PARD3: variants seen among roughly 807,000 people sequenced by gnomAD.
The protein encoded by PARD3 is partitioning defective 3 homolog.
Under a neutral mutation model 155.4 loss-of-function variants are expected in PARD3, and 75 were observed. The ratio of observed to expected loss-of-function variants is 0.48; its 90% confidence interval spans 0.40 to 0.58. The LOEUF is 0.58. Among genes scored for constraint, PARD3 ranks in the 20% least tolerant of loss-of-function variants. PARD3 has a pLI of 0.00. For missense variants in PARD3, 1,642 were observed against 1,721.7 expected, an observed-to-expected ratio of 0.95 and a Z score of 0.82; for synonymous variants, 576 against 610.5, an observed-to-expected ratio of 0.94 and a Z score of 0.83.
At chr10:34,808,712 T>C (rs1303306770) in intron 1 of PARD3, among the ~76,000 whole-genome samples, 1 of 152,196 alleles carries the variant, frequency 6.6e-6, no homozygotes, top group Non-Finnish European at 1.5e-5. Flanking sequence ...CCCAACTCTG[T>C]GGGGAGGTAG....
intron 22 of PARD3, among the ~76,000 whole-genome samples, chr10:34,183,017 G>GT (rs1346173634): frequency 6.6e-6 from 1 of 152,144 alleles, no homozygotes; most frequent in Non-Finnish European, 1.5e-5. Flanking sequence ...AAGAAAGAAA[G>GT]TATCACTGAG....
intron 19 of PARD3, among the ~76,000 whole-genome samples, chr10:34,322,630 A>C (rs1346146265): frequency 2.6e-5 from 4 of 152,188 alleles, no homozygotes; most frequent in Admixed American, 2.6e-4. Flanking sequence ...GATTAAAATG[A>C]ATTGTTCAAT....
intron 1 of PARD3, among the ~76,000 whole-genome samples, chr10:34,800,022 C>T (rs1842702242): frequency 6.6e-6 from 1 of 151,648 alleles, no homozygotes; most frequent in African/African-American, 2.4e-5. Flanking sequence ...CCCAGCTACT[C>T]GGGAGGCTGA....
At chr10:34,354,116 G>C (rs1838508087) in intron 14 of PARD3, among the ~76,000 whole-genome samples, 1 of 143,488 alleles carries the variant, frequency 7.0e-6, no homozygotes. Context: ...ATACTAACAA[G>C]ACCTGTCTTT....
At chr10:34,143,200 G>A (rs544091446) in intron 22 of PARD3, among the ~76,000 whole-genome samples, 4 of 152,024 alleles carry the variant, frequency 2.6e-5, no homozygotes, top group Non-Finnish European at 5.9e-5. Context: ...CATGCCTGTA[G>A]TTCCAGCTAC....
At chr10:34,413,573 C>T (rs1845346614) in intron 5 of PARD3, among the ~76,000 whole-genome samples, 1 of 151,488 alleles carries the variant, frequency 6.6e-6, no homozygotes, top group Admixed American at 6.6e-5. Context: ...TATCCAGATT[C>T]TTCTTTATCT....
intron 23 of PARD3, among the ~76,000 whole-genome samples, chr10:34,123,069 G>A (rs891416199): frequency 1.3e-5 from 2 of 152,174 alleles, no homozygotes; most frequent in African/African-American, 2.4e-5. Flanking sequence ...AGAACAAGGC[G>A]AAGCTCTGTT....
intron 2 of PARD3, among the ~76,000 whole-genome samples, chr10:34,689,049 G>A (rs1228868053): frequency 6.6e-6 from 1 of 152,096 alleles, no homozygotes; most frequent in Non-Finnish European, 1.5e-5. Context: ...TATTTCCCAG[G>A]CCAGGTATCT....
At chr10:34,611,501 G>A (rs537180289) in intron 2 of PARD3, among the ~76,000 whole-genome samples, 5 of 152,162 alleles carry the variant, frequency 3.3e-5, no homozygotes, top group East Asian at 1.9e-4. Context: ...GAGTAATTTC[G>A]GGATTTTCTG....
intron 22 of PARD3, among the ~76,000 whole-genome samples, chr10:34,183,835 T>A (rs1950369972): frequency 6.6e-6 from 1 of 152,180 alleles, no homozygotes; most frequent in Admixed American, 6.5e-5. Context: ...TTGCCCTCCT[T>A]AAAACCACTC....
chr10:34,321,241 T>C (rs983152486), intron 19 of PARD3, among the ~76,000 whole-genome samples: 5 of 152,172 alleles, frequency 3.3e-5, no homozygotes, highest in African/African-American at 1.2e-4. Flanking sequence ...ATATAAACAA[T>C]TTTTCAAGTA....
chr10:34,792,112 G>A (rs1465519554), intron 1 of PARD3, among the ~76,000 whole-genome samples: 6 of 152,062 alleles, frequency 3.9e-5, no homozygotes, highest in Non-Finnish European at 5.9e-5. Context: ...CTCAGGATGC[G>A]CGCCCACGTG....
intron 1 of PARD3, among the ~76,000 whole-genome samples, chr10:34,801,625 A>G (rs1842851016): frequency 1.3e-5 from 2 of 152,196 alleles, no homozygotes; most frequent in African/African-American, 4.8e-5. Context: ...GGTGATTTGC[A>G]CTGGGTGCCT....
chr10:34,456,277 A>C (rs2077336602), intron 4 of PARD3, among the ~76,000 whole-genome samples: 1 of 152,158 alleles, frequency 6.6e-6, no homozygotes, highest in Non-Finnish European at 1.5e-5. Context: ...TACTTAAGTA[A>C]TATTTCATTT....
intron 12 of PARD3, among the ~76,000 whole-genome samples, chr10:34,363,920 G>A (rs1839705354): frequency 6.6e-6 from 1 of 152,134 alleles, no homozygotes; most frequent in South Asian, 2.1e-4. Flanking sequence ...CTTTGCTAAG[G>A]AACCTGCTGA....
intron 19 of PARD3, among the ~76,000 whole-genome samples, chr10:34,325,009 T>C (rs1235354449): frequency 6.6e-6 from 1 of 152,294 alleles, no homozygotes; most frequent in South Asian, 2.1e-4. Flanking sequence ...TGTGGTTTGC[T>C]GTCTACATCT....
intron 2 of PARD3, among the ~76,000 whole-genome samples, chr10:34,573,733 AAAAACACACACACAC>A (rs2086645224): frequency 0.015 from 1,765 of 118,320 alleles, 12 homozygotes; most frequent in African/African-American, 0.038. Context: ...ACAAACAAAC[AAAAACACACACACAC>A]ACACACACAC....
chr10:34,695,199 G>A (rs764553458), intron 2 of PARD3, among the ~76,000 whole-genome samples: 3 of 152,194 alleles, frequency 2.0e-5, no homozygotes, highest in South Asian at 2.1e-4. Flanking sequence ...GGCCAGGGCC[G>A]GGTGTGGTGG....
At chr10:34,177,772 C>G (rs989777018) in intron 22 of PARD3, among the ~76,000 whole-genome samples, 1 of 152,186 alleles carries the variant, frequency 6.6e-6, no homozygotes, top group South Asian at 2.1e-4. Flanking sequence ...CTGGTGCCTG[C>G]GAACCGCTCA....
Sources: gnomAD v4.1 joint callset for allele counts (sites outside exome capture counted in the v4.1 genomes callset) on GRCh38, gnomAD v4.1.1 for gene constraint, MANE v1.5 for transcripts, NCBI Gene and HGNC (gene_info 2026-07-23, HGNC 2026-07-21) for gene names.